RBMS3: variants seen among roughly 807,000 people sequenced by gnomAD.
RBMS3 encodes RNA-binding motif, single-stranded-interacting protein 3.
RBMS3 carries 27 observed loss-of-function variants against 66.8 expected under a neutral mutation model. The observed-to-expected ratio is 0.40, with a 90% CI of 0.30 to 0.56. The LOEUF is 0.56. RBMS3 is among the 20% of genes least tolerant of loss of function. The pLI, the probability that RBMS3 is intolerant of heterozygous loss-of-function variation, is 0.40. For synonymous variants in RBMS3, 188 were observed against 183.0 expected, an observed-to-expected ratio of 1.03 and a Z score of -0.22; for missense variants, 513 against 549.5, an observed-to-expected ratio of 0.93 and a Z score of 0.66.
At chr3:29,314,722 C>T (rs1005302881) in intron 1 of RBMS3, among the ~76,000 whole-genome samples, 1 of 151,626 alleles carries the variant, frequency 6.6e-6, no homozygotes, top group African/African-American at 2.4e-5. Context: ...GTGGCCTTGA[C>T]TTTGATTTAA....
intron 5 of RBMS3, among the ~76,000 whole-genome samples, chr3:29,755,279 G>A (rs2055359139): frequency 6.6e-6 from 1 of 152,134 alleles, no homozygotes; most frequent in African/African-American, 2.4e-5. Flanking sequence ...TGTCCCTACT[G>A]GGGATAATCA....
At chr3:29,656,389 A>T (rs912426316) in intron 4 of RBMS3, among the ~76,000 whole-genome samples, 3 of 152,236 alleles carry the variant, frequency 2.0e-5, no homozygotes, top group Admixed American at 2.0e-4. Flanking sequence ...ACAGTACAGT[A>T]ACATGCTATA....
Position 29,726,645 on chromosome 3 carries a change from C to T in RBMS3, c.400-13075C>T, listed in dbSNP as rs535489344. ...ATAAAATACCTAGGAATACAACTTA[C>T]AAGGGATGTGAAGGACCTCTTCAAG... On this transcript the variant is annotated intron_variant, in intron 4 of 14. Coordinates refer to ENST00000383767, the MANE Select transcript of RBMS3 (RefSeq NM_001003793.3). 2.0e-5 allele frequency among the ~76,000 whole-genome samples: 3 copies of T among 152,154 alleles called. No homozygotes were observed. In the East Asian group the frequency reaches 5.8e-4, roughly 29 times the overall value.
intron 1 of RBMS3, among the ~76,000 whole-genome samples, chr3:29,418,851 A>G (rs2040585631): frequency 6.6e-6 from 1 of 152,100 alleles, no homozygotes; most frequent in Admixed American, 6.5e-5. Flanking sequence ...TTTTATTTTT[A>G]TCTGTATTAT....
chr3:29,472,797 G>C (rs1425700968), intron 2 of RBMS3, among the ~76,000 whole-genome samples: 3 of 152,160 alleles, frequency 2.0e-5, no homozygotes, highest in Non-Finnish European at 4.4e-5. Flanking sequence ...AGAGTGAGCA[G>C]CAGCAAGATT....
At chr3:29,844,201 T>C (rs1402089316) in intron 6 of RBMS3, among the ~76,000 whole-genome samples, 11 of 152,182 alleles carry the variant, frequency 7.2e-5, no homozygotes, top group Non-Finnish European at 1.6e-4. Flanking sequence ...TAACTGAACA[T>C]TTTTACTGAG....
chr3:29,486,679 C>T (rs1010543687), intron 2 of RBMS3, among the ~76,000 whole-genome samples: 5 of 152,218 alleles, frequency 3.3e-5, no homozygotes, highest in African/African-American at 1.2e-4. Context: ...AGAGGACATT[C>T]TTGTAATATT....
At chr3:29,843,018 G>A (rs1371309072) in intron 6 of RBMS3, among the ~76,000 whole-genome samples, 1 of 152,120 alleles carries the variant, frequency 6.6e-6, no homozygotes, top group African/African-American at 2.4e-5. Context: ...ACAGCCATAG[G>A]AAACTAATAT....
At chr3:29,995,189 T>C (rs1341891282) in intron 14 of RBMS3, among the ~76,000 whole-genome samples, 1 of 151,796 alleles carries the variant, frequency 6.6e-6, no homozygotes, top group African/African-American at 2.4e-5. Flanking sequence ...GAAGATGAAA[T>C]GAAGCGAGAA....
chr3:29,283,251 T>G (rs867956508), intron 1 of RBMS3, among the ~76,000 whole-genome samples: 1 of 152,180 alleles, frequency 6.6e-6, no homozygotes. Context: ...TTTGGCTACA[T>G]TTTTCCAAGT....
chr3:29,435,109 G>T (rs2041351288), intron 2 of RBMS3, 194 bp downstream of exon 2: 3 of 603,522 alleles, frequency 5.0e-6, no homozygotes, highest in Admixed American at 3.3e-5. Context: ...TTTTGTTGTT[G>T]AGTGGAAGTT....
intron 2 of RBMS3, among the ~76,000 whole-genome samples, chr3:29,455,017 T>C (rs2042135637): frequency 6.6e-6 from 1 of 152,172 alleles, no homozygotes; most frequent in Non-Finnish European, 1.5e-5. Flanking sequence ...GTTGAATAAT[T>C]TGTGTTTGAG....
chr3:29,530,741 G>A (rs979870899), intron 3 of RBMS3, among the ~76,000 whole-genome samples: 6 of 151,390 alleles, frequency 4.0e-5, no homozygotes, highest in African/African-American at 7.3e-5. Context: ...GCGTGGTGGC[G>A]GCTGCCTGTA....
chr3:29,990,407 T>C (rs916849187), intron 13 of RBMS3, among the ~76,000 whole-genome samples: 1 of 143,560 alleles, frequency 7.0e-6, no homozygotes, highest in African/African-American at 2.5e-5. Context: ...CAAAAATATA[T>C]TCCTGATTGT....
chr3:29,282,060 G>A (rs1013359729), intron 1 of RBMS3, among the ~76,000 whole-genome samples: 2 of 152,082 alleles, frequency 1.3e-5, no homozygotes, highest in Non-Finnish European at 2.9e-5. Context: ...AGATGGGCAC[G>A]GTTTTTAGAA....
chr3:29,567,352 T>C (rs781563830), intron 3 of RBMS3, among the ~76,000 whole-genome samples: 1 of 152,160 alleles, frequency 6.6e-6, no homozygotes, highest in Non-Finnish European at 1.5e-5. Flanking sequence ...ACATCCTGTC[T>C]CCATATGTAA....
intron 2 of RBMS3, among the ~76,000 whole-genome samples, chr3:29,439,356 A>G (rs550983514): frequency 1.3e-5 from 2 of 152,312 alleles, no homozygotes; most frequent in East Asian, 1.9e-4. Context: ...TCAAGGAACA[A>G]TTAGAGTAGG....
intron 5 of RBMS3, among the ~76,000 whole-genome samples, chr3:29,756,450 G>C (rs546336872): frequency 6.6e-6 from 1 of 152,120 alleles, no homozygotes; most frequent in Admixed American, 6.5e-5. Flanking sequence ...GAAGGCAAAG[G>C]GGGAGCAAAG....
intron 7 of RBMS3, among the ~76,000 whole-genome samples, chr3:29,877,917 G>A (rs1468153710): frequency 6.6e-6 from 1 of 151,986 alleles, no homozygotes; most frequent in Non-Finnish European, 1.5e-5. Flanking sequence ...TCTTTCTCTG[G>A]CCAAAATATT....
Sources: allele counts gnomAD v4.1 joint callset (sites outside exome capture counted in the v4.1 genomes callset), GRCh38; gene constraint gnomAD v4.1.1; transcripts MANE v1.5; gene names NCBI Gene and HGNC (gene_info 2026-07-23, HGNC 2026-07-21).